Variants in UBLCP1 observed in about 807,000 individuals in gnomAD.
UBLCP1 encodes the protein ubiquitin like domain containing CTD phosphatase 1.
Under a neutral mutation model 42.4 loss-of-function variants are expected in UBLCP1, and 28 were observed. The ratio of observed to expected loss-of-function variants is 0.66; its 90% confidence interval spans 0.49 to 0.90. The LOEUF (loss-of-function observed/expected upper bound fraction) is 0.90, where lower values mean the gene tolerates loss of function less well. Ranked by LOEUF, UBLCP1 falls within the 40% of genes least tolerant of loss-of-function variation. UBLCP1 has a pLI of 0.00. For missense variants in UBLCP1, 279 were observed against 374.5 expected (o/e 0.75, Z 2.10); for synonymous variants, 122 against 120.8 (o/e 1.01, Z -0.07).
At chr5:159,272,187 T>C (rs1584738939) in intron 6 of UBLCP1, 66 bp downstream of exon 6, 2 of 1,301,962 alleles carry the variant, frequency 1.5e-6, no homozygotes, top group Non-Finnish European at 2.2e-6. Flanking sequence ...TTGTGCTGTA[T>C]AAAATGTGAC....
rs112886158 is a variant in UBLCP1, at chr5:159,283,461, A to G, written c.929+122A>G. 1,398 of 852,594 alleles carry G rather than the reference A, an allele frequency of 1.6e-3. 17 individuals carry two copies. The African/African-American group carries it at 0.023, about 14-fold the overall frequency. The allele number at this position is 852,594 out of a possible 1,614,324, so 52.8% of individuals were successfully genotyped here. A position where few individuals can be genotyped will look rare whatever the true frequency, so the allele number is the denominator to read the frequency against. ...TTTTTATTTAAAATAGGTGACTTCT[A>G]AAAACATTTTCTAATCCAGTGACCT... On this transcript the variant is annotated intron_variant, in intron 10 of 10. Coordinates refer to ENST00000296786, the MANE Select transcript of UBLCP1 (RefSeq NM_145049.5).
At chr5:159,274,746 A>G in intron 7 of UBLCP1, 124 bp downstream of exon 7, 1 of 786,662 alleles carries the variant, frequency 1.3e-6, no homozygotes, top group South Asian at 1.8e-5. Context: ...AAATGCCATT[A>G]TTGGGAGTAG....
At chr5:159,270,705 T>A in intron 5 of UBLCP1, 62 bp downstream of exon 5, 1 of 1,139,164 alleles carries the variant, frequency 8.8e-7, no homozygotes, top group Non-Finnish European at 1.2e-6. Flanking sequence ...TTTTCTTTTC[T>A]TTGTTTTTTT....
intron 5 of UBLCP1, among the ~76,000 whole-genome samples, 200 bp from the exon 6 acceptor site, chr5:159,271,823 C>T (rs978543917): frequency 1.3e-5 from 2 of 152,216 alleles, no homozygotes; most frequent in Middle Eastern, 3.4e-3. Flanking sequence ...CAAAATTGAT[C>T]GACTAAAATT....
intron 1 of UBLCP1, among the ~76,000 whole-genome samples, chr5:159,266,060 A>T (rs1051354264): frequency 2.0e-5 from 3 of 152,240 alleles, no homozygotes; most frequent in Admixed American, 1.3e-4. Context: ...TGCTGAAAAG[A>T]TACCCGAAAA....
rs746480628 is a variant in UBLCP1, at chr5:159,270,561, G to A, written c.366G>A (p.Val122=). 1 of 1,611,710 alleles carries A rather than the reference G, an allele frequency of 6.2e-7. No homozygotes were observed. The highest frequency in any genetic ancestry group is 2.2e-5 in the East Asian group (1 of 44,750). The change falls in exon 5 of 11, where the codon GTG becomes GTA. Residue 122 remains valine (V), a synonymous_variant. Coordinates refer to ENST00000296786, the MANE Select transcript of UBLCP1 (RefSeq NM_145049.5). ...EENLLKISRR[V]KEYKVEILNP... ...ACCTACTGAAAATTTCTCGCAGAGT[G>A]AAAGAGTACAAAGTGGAAATTTTGA...
At chr5:159,265,632 G>A (rs949145974) in intron 1 of UBLCP1, among the ~76,000 whole-genome samples, 1 of 152,146 alleles carries the variant, frequency 6.6e-6, no homozygotes, top group East Asian at 1.9e-4. Context: ...CATGGGGGCC[G>A]ATTTTTCCCG....
At chr5:159,264,408 T>A (rs954892844) in intron 1 of UBLCP1, among the ~76,000 whole-genome samples, 14 of 152,256 alleles carry the variant, frequency 9.2e-5, no homozygotes, top group Non-Finnish European at 1.9e-4. Context: ...ATCACACTGC[T>A]TCATTGGTGT....
At chr5:159,266,427 G>T (rs1047257706) in intron 1 of UBLCP1, among the ~76,000 whole-genome samples, 3 of 152,180 alleles carry the variant, frequency 2.0e-5, no homozygotes, top group East Asian at 1.9e-4. Context: ...GGTGATTTGG[G>T]TACTGTTAAA....
At chr5:159,271,450 C>T (rs1475516513) in intron 5 of UBLCP1, among the ~76,000 whole-genome samples, 1 of 151,650 alleles carries the variant, frequency 6.6e-6, no homozygotes, top group East Asian at 1.9e-4. Flanking sequence ...GAGTAAGACC[C>T]TGTCTCAAAA....
At chr5:159,283,429 G>T in intron 10 of UBLCP1, 90 bp downstream of exon 10, 1 of 1,087,058 alleles carries the variant, frequency 9.2e-7, no homozygotes, top group African/African-American at 1.6e-5. Flanking sequence ...ATATATAGCT[G>T]TCTTAATTTT....
chr5:159,281,995 A>AT (rs372345574), intron 9 of UBLCP1, among the ~76,000 whole-genome samples: 9 of 151,348 alleles, frequency 5.9e-5, no homozygotes, highest in South Asian at 2.1e-4. Context: ...AATATGTATG[A>AT]TTTTTTTTTA....
intron 6 of UBLCP1, among the ~76,000 whole-genome samples, chr5:159,272,513 C>G (rs1308996794): frequency 6.6e-6 from 1 of 152,102 alleles, no homozygotes; most frequent in African/African-American, 2.4e-5. Flanking sequence ...CTTGGCCTCC[C>G]AAAGTGCTGG....
chr5:159,270,806 C>T (rs1187555581), intron 5 of UBLCP1, among the ~76,000 whole-genome samples, 163 bp downstream of exon 5: 1 of 120,692 alleles, frequency 8.3e-6, no homozygotes, highest in East Asian at 2.2e-4. Flanking sequence ...TACAGATAAG[C>T]AAAAAAAAAA....
At chr5:159,265,272 C>G (rs939203380) in intron 1 of UBLCP1, among the ~76,000 whole-genome samples, 1 of 152,148 alleles carries the variant, frequency 6.6e-6, no homozygotes, top group Non-Finnish European at 1.5e-5. Flanking sequence ...TAACCTCTTT[C>G]TTGCAGTTGG....
Position 159,285,244 on chromosome 5 carries a change from A to ACACACACACAC in UBLCP1, c.*313_*314insCACACACACAC, listed in dbSNP as rs1491169745. ...CACACACACACACACACACACACAC[A>ACACACACACAC]AAGTGGAGAAAAATGTATACTCAAC... is the stretch of plus-strand genomic sequence containing the variant. On this transcript the variant is annotated 3_prime_UTR_variant, in exon 11 of 11. Transcript: ENST00000296786. 2.9e-5 allele frequency: 4 copies of ACACACACACAC among 137,594 alleles called. No homozygotes were observed. The highest frequency in any genetic ancestry group is 4.4e-5 in the Non-Finnish European group (3 of 67,600). 8.5% of individuals were successfully genotyped at this position (137,594 alleles called of 1,614,324 possible). A position where few individuals can be genotyped will look rare whatever the true frequency, so the allele number is the denominator to read the frequency against.
chr5:159,283,777 A>G (rs1562102293), intron 10 of UBLCP1, among the ~76,000 whole-genome samples: 1 of 152,140 alleles, frequency 6.6e-6, no homozygotes, highest in Non-Finnish European at 1.5e-5. Context: ...CAGAGAAATT[A>G]GAAAAGTTTA....
intron 6 of UBLCP1, among the ~76,000 whole-genome samples, chr5:159,274,026 A>C (rs932664541): frequency 6.6e-6 from 1 of 152,210 alleles, no homozygotes; most frequent in African/African-American, 2.4e-5. Flanking sequence ...GAGCAGATAC[A>C]TGATGCAGGT....
rs1753655502 is a variant in UBLCP1 at position 159,285,099 on chromosome 5, G to A, written c.*168G>A. 2 of 593,932 alleles carry A rather than the reference G, an allele frequency of 3.4e-6. No individual in the cohort carries two copies. Among genetic ancestry groups the A allele is most frequent in the East Asian group, 3.1e-5 (1 of 32,400 alleles). 36.8% of individuals were successfully genotyped at this position (593,932 alleles called of 1,614,324 possible). On this transcript the variant is annotated 3_prime_UTR_variant, in exon 11 of 11. Transcript: ENST00000296786. Reference sequence around the variant, plus strand: ...AATTTTATATTTTTTGAAGATGATAGCAATATGCTAAAAAATGCTTGTCCC... The same window carrying A: ...AATTTTATATTTTTTGAAGATGATAACAATATGCTAAAAAATGCTTGTCCC...
Sources: allele counts gnomAD v4.1 joint callset (sites outside exome capture counted in the v4.1 genomes callset), GRCh38; gene constraint gnomAD v4.1.1; transcripts MANE v1.5; gene names NCBI Gene and HGNC (gene_info 2026-07-23, HGNC 2026-07-21).